Variants in FOXRED1 observed in about 807,000 individuals in gnomAD.
FOXRED1 encodes FAD dependent oxidoreductase domain containing 1, also known as FAD-dependent oxidoreductase domain-containing protein 1.
FOXRED1 carries 52 observed loss-of-function variants against 57.8 expected under a neutral mutation model. That is an observed-to-expected ratio of 0.90 (90% CI 0.72 to 1.13). FOXRED1 has a LOEUF of 1.13. Among genes scored for constraint, FOXRED1 ranks in the 50% most tolerant of loss-of-function variants. The pLI is 0.00. For missense variants in FOXRED1, 589 were observed against 625.2 expected (o/e 0.94, Z 0.62); for synonymous variants, 271 against 248.3 (o/e 1.09, Z -0.86).
Position 126,276,175 on chromosome 11 carries a change from T to A in FOXRED1, c.927T>A (p.Pro309=). 1.2e-6 allele frequency: 2 copies of A among 1,609,338 alleles called. No homozygotes were observed. The highest frequency in any genetic ancestry group is 1.7e-6 in the Non-Finnish European group (2 of 1,178,754). The change falls in exon 8 of 11, where the codon CCT becomes CCA. Residue 309 remains proline (P), a synonymous_variant. Transcript: ENST00000263578. ...TGGCTGGTGTTGGAGAGGGGCCGCC[T>A]GGCACCCTGCAGGGCACCAAGCTAC... ...AALAGVGEGP[P]GTLQGTKLPV...
chr11:126,272,016 C>T lies in FOXRED1; in HGVS notation c.306+359C>T, dbSNP rs1481340634. 3.1e-6 allele frequency: 1 copy of T among 320,770 alleles called. No homozygotes were observed. The highest frequency in any genetic ancestry group is 4.4e-5 in the Admixed American group (1 of 22,726). The allele number at this position is 320,770 out of a possible 1,614,324, so 19.9% of individuals were successfully genotyped here. The stretch of plus-strand genomic sequence containing the variant: ...TTGCTCTGTCACCCAGGCTGGAGTG[C>T]AATGGCACAATCTCAGCTCACTGCA... On this transcript the variant is annotated intron_variant, in intron 2 of 10. Coordinates refer to ENST00000263578, the MANE Select transcript of FOXRED1 (RefSeq NM_017547.4). The surrounding 1 kb of genome is among the most constrained non-coding windows in gnomAD (Gnocchi z 4.6).
Position 126,274,152 on chromosome 11 carries a change from G to C in FOXRED1, c.536+698G>C, listed in dbSNP as rs551242594. 3.2e-5 allele frequency: 5 copies of C among 158,084 alleles called. No individual in the cohort carries two copies. Among genetic ancestry groups the C allele is most frequent in the African/African-American group, 1.2e-4 (5 of 41,468 alleles). 9.8% of individuals were successfully genotyped at this position (158,084 alleles called of 1,614,324 possible). On this transcript the variant is annotated intron_variant, in intron 4 of 10. Coordinates refer to ENST00000263578, the MANE Select transcript of FOXRED1 (RefSeq NM_017547.4). This position sits in a 1 kb window ranked among gnomAD's most constrained non-coding sequence, Gnocchi z 4.8. ...ATATGAGGAAACTGAGGCATAAGGCGCTAGTAAGTGGTGGCGGTAGGATCT... is the reference window on the plus strand; with the variant it reads ...ATATGAGGAAACTGAGGCATAAGGCCCTAGTAAGTGGTGGCGGTAGGATCT...
Position 126,275,566 on chromosome 11 carries a change from C to A in FOXRED1, c.733+138C>A. On this transcript the variant is annotated intron_variant, in intron 6 of 10. Coordinates refer to ENST00000263578, the MANE Select transcript of FOXRED1 (RefSeq NM_017547.4). This position sits in a 1 kb window ranked among gnomAD's most constrained non-coding sequence, Gnocchi z 5.9. ...CAGGTCCTAGGCATCTTGACCTGGG[C>A]TCCTCACTGATCTGCGTTGTGACTT... 1.3e-6 allele frequency: 1 copy of A among 749,002 alleles called. No homozygotes were observed. Among genetic ancestry groups the A allele is most frequent in the African/African-American group, 1.7e-5 (1 of 58,034 alleles). 46.4% of individuals were successfully genotyped at this position (749,002 alleles called of 1,614,324 possible). A position where few individuals can be genotyped will look rare whatever the true frequency, so the allele number is the denominator to read the frequency against.
chr11:126,275,055 C>G lies in FOXRED1; in HGVS notation c.631+34C>G. ...TGCTTGCAGAGGGGACAGCTTTTTTCCTGAAGATGGAGACTAAGGGGTGCT... is the reference window on the plus strand; with the variant it reads ...TGCTTGCAGAGGGGACAGCTTTTTTGCTGAAGATGGAGACTAAGGGGTGCT... On this transcript the variant is annotated intron_variant, in intron 5 of 10. Coordinates refer to ENST00000263578, the MANE Select transcript of FOXRED1 (RefSeq NM_017547.4). This position sits in a 1 kb window ranked among gnomAD's most constrained non-coding sequence, Gnocchi z 5.9. 7.1e-7 allele frequency: 1 copy of G among 1,415,328 alleles called. No individual in the cohort carries two copies. Among genetic ancestry groups the G allele is most frequent in the Non-Finnish European group, 1.0e-6 (1 of 998,792 alleles). The allele number at this position is 1,415,328 out of a possible 1,614,324, so 87.7% of individuals were successfully genotyped here.
rs1047355240 is a variant in FOXRED1 at position 126,274,562 on chromosome 11, C to T, written c.537-365C>T. 6 of 313,934 alleles carry T rather than the reference C, an allele frequency of 1.9e-5. No individual in the cohort carries two copies. The highest frequency in any genetic ancestry group is 1.2e-3 in the Middle Eastern group (1 of 868). The allele number at this position is 313,934 out of a possible 1,614,324, so 19.4% of individuals were successfully genotyped here. The stretch of plus-strand genomic sequence containing the variant: ...ACTCCAGAGGCTGAAGCAGGAGAAT[C>T]GCTTGAACCCGGGAGGAGGAGGTTG... On this transcript the variant is annotated intron_variant, in intron 4 of 10. Transcript: ENST00000263578. The surrounding 1 kb of genome is among the most constrained non-coding windows in gnomAD (Gnocchi z 4.8).
Position 126,276,054 on chromosome 11 carries a change from T to G in FOXRED1, c.811-5T>G. ...TTCCCACTCCTCACCCTCTGGTGTC[T>G]GCAGGTGAAGATGGACCGCAGCCTG... On this transcript the variant is annotated splice_region_variant and splice_polypyrimidine_tract_variant and intron_variant, in intron 7 of 10. Coordinates refer to ENST00000263578, the MANE Select transcript of FOXRED1 (RefSeq NM_017547.4). 2 of 1,612,890 alleles carry G rather than the reference T, an allele frequency of 1.2e-6. No homozygotes were observed. The highest frequency in any genetic ancestry group is 2.2e-5 in the South Asian group (2 of 91,082).
chr11:126,269,438 G>T, intron 1 of FOXRED1, 147 bp downstream of exon 1: 1 of 1,491,780 alleles, frequency 6.7e-7, no homozygotes, highest in African/African-American at 1.4e-5. Context: ...ACCAGAGCTT[G>T]TAGGGGCTGT....
chr11:126,277,465 TACA>T lies in FOXRED1; in HGVS notation c.1241_1243del (p.Asn414del). On this transcript the variant is annotated inframe_deletion, in exon 11 of 11. Transcript: ENST00000263578. The surrounding 1 kb of genome is among the most constrained non-coding windows in gnomAD (Gnocchi z 6.8). ...GAGCGCCTGGGCCGGCTATTACGAC[TACA>T]ACACCTTTGACCAGAATGGCGTGGT... 1 of 1,613,342 alleles carries T rather than the reference TACA, an allele frequency of 6.2e-7. No homozygotes were observed. The highest frequency in any genetic ancestry group is 8.5e-7 in the Non-Finnish European group (1 of 1,179,982).
chr11:126,270,974 T>G, intron 1 of FOXRED1: 1 of 203,436 alleles, frequency 4.9e-6, no homozygotes, highest in Non-Finnish European at 1.0e-5. Flanking sequence ...CCGCAGAACT[T>G]GATTATGGAT....
Position 126,275,100 on chromosome 11 carries a change from A to C in FOXRED1, c.631+79A>C. ...GGTGCTACACGTTGGGAGTCTCGGT[A>C]CTCCACAGCCAAGCTGAAGGAGGAA... On this transcript the variant is annotated intron_variant, in intron 5 of 10. Coordinates refer to ENST00000263578, the MANE Select transcript of FOXRED1 (RefSeq NM_017547.4). The surrounding 1 kb of genome is among the most constrained non-coding windows in gnomAD (Gnocchi z 5.9). The C allele has an allele frequency of 3.0e-6, 3 of 987,192 alleles. No homozygotes were observed. The highest frequency in any genetic ancestry group is 4.9e-6 in the Non-Finnish European group (3 of 614,930). The allele number at this position is 987,192 out of a possible 1,614,324, so 61.2% of individuals were successfully genotyped here.
rs947603498 is a variant in FOXRED1, at chr11:126,275,878, T to A, written c.810+8T>A. The A allele has an allele frequency of 6.2e-7, 1 of 1,603,444 alleles. No homozygotes were observed. Among genetic ancestry groups the A allele is most frequent in the Non-Finnish European group, 8.5e-7 (1 of 1,170,368 alleles). On this transcript the variant is annotated splice_region_variant and intron_variant, in intron 7 of 10. Transcript: ENST00000263578. The surrounding 1 kb of genome is among the most constrained non-coding windows in gnomAD (Gnocchi z 5.9). ...AGGATCCATGAAGTCCATGTAAGTT[T>A]CTAGTCTGTGATGTCCTTTACCAAA...
At position 126,274,020 on chromosome 11, in the gene FOXRED1, T is replaced by C; in HGVS notation, c.536+566T>C. The C allele has an allele frequency of 6.0e-6, 1 of 167,458 alleles. No individual in the cohort carries two copies. Among genetic ancestry groups the C allele is most frequent in the South Asian group, 1.4e-4 (1 of 7,080 alleles). The allele number at this position is 167,458 out of a possible 1,614,324, so 10.4% of individuals were successfully genotyped here. ...GATGCAATATGGCCAGAGGCTTTATTTGTATGTTTATTTAACAAACACCCA... is the reference window on the plus strand; with the variant it reads ...GATGCAATATGGCCAGAGGCTTTATCTGTATGTTTATTTAACAAACACCCA... On this transcript the variant is annotated intron_variant, in intron 4 of 10. Transcript: ENST00000263578. The surrounding 1 kb of genome is among the most constrained non-coding windows in gnomAD (Gnocchi z 4.8).
At position 126,269,186 on chromosome 11, in the gene FOXRED1, G is replaced by C; in HGVS notation, c.-21G>C. The C allele has an allele frequency of 1.9e-6, 3 of 1,586,240 alleles. No individual in the cohort carries two copies. Among genetic ancestry groups the C allele is most frequent in the Non-Finnish European group, 2.6e-6 (3 of 1,155,456 alleles). On this transcript the variant is annotated 5_prime_UTR_variant, in exon 1 of 11. Coordinates refer to ENST00000263578, the MANE Select transcript of FOXRED1 (RefSeq NM_017547.4). ...GCGAGGCAGCAGTGCAGCTTTCAGA[G>C]GGTCCGGGCTCAGAGGGGTTATGAT...
Position 126,270,883 on chromosome 11 carries a change from G to A in FOXRED1, c.86-554G>A, listed in dbSNP as rs541979843. 8 of 174,146 alleles carry A rather than the reference G, an allele frequency of 4.6e-5. No homozygotes were observed. In the East Asian group the frequency reaches 1.2e-3, roughly 27 times the overall value. 10.8% of individuals were successfully genotyped at this position (174,146 alleles called of 1,614,324 possible). On this transcript the variant is annotated intron_variant, in intron 1 of 10. Transcript: ENST00000263578. ...GATGCTTTTGCATTTGTCCAGTTGA[G>A]AGATGATAGTGGCTTGGCCTAGGAT... is the stretch of plus-strand genomic sequence containing the variant.
chr11:126,269,230 C>T lies in FOXRED1; in HGVS notation c.24C>T (p.His8=), dbSNP rs774346995. The T allele has an allele frequency of 3.7e-6, 6 of 1,613,888 alleles. No individual in the cohort carries two copies. The highest frequency in any genetic ancestry group is 3.3e-5 in the Admixed American group (2 of 60,012). MIRRVLP[H]GMGRGLLTRR... ...TTATGATTCGGAGGGTTCTGCCGCA[C>T]GGCATGGGCCGGGGCCTCTTGACCC... is the stretch of plus-strand genomic sequence containing the variant. The change falls in exon 1 of 11, where the codon CAC becomes CAT. Residue 8 remains histidine (H), a synonymous_variant. Coordinates refer to ENST00000263578, the MANE Select transcript of FOXRED1 (RefSeq NM_017547.4).
chr11:126,277,240 G>A lies in FOXRED1; in HGVS notation c.1206+65G>A. On this transcript the variant is annotated intron_variant, in intron 10 of 10. Coordinates refer to ENST00000263578, the MANE Select transcript of FOXRED1 (RefSeq NM_017547.4). This position sits in a 1 kb window ranked among gnomAD's most constrained non-coding sequence, Gnocchi z 6.8. ...ATTGGATGGGACAGATGACAGTGGA[G>A]CACATTGGTCCCCTCGGACCCGTGA... 1.6e-6 allele frequency: 2 copies of A among 1,239,790 alleles called. No individual in the cohort carries two copies. The highest frequency in any genetic ancestry group is 2.4e-6 in the Non-Finnish European group (2 of 840,624). The allele number at this position is 1,239,790 out of a possible 1,614,324, so 76.8% of individuals were successfully genotyped here. A position where few individuals can be genotyped will look rare whatever the true frequency, so the allele number is the denominator to read the frequency against.
At chr11:126,269,580 G>A (rs901472127) in intron 1 of FOXRED1, among the ~76,000 whole-genome samples, 1 of 152,226 alleles carries the variant, frequency 6.6e-6, no homozygotes, top group Non-Finnish European at 1.5e-5. Flanking sequence ...TGTTCAGGAT[G>A]CTGTACTTAG....
rs1591548104 is a variant in FOXRED1, at chr11:126,272,494, C to A, written c.307-475C>A. 2 of 235,686 alleles carry A rather than the reference C, an allele frequency of 8.5e-6. No homozygotes were observed. The highest frequency in any genetic ancestry group is 2.2e-4 in the East Asian group (2 of 9,216). 14.6% of individuals were successfully genotyped at this position (235,686 alleles called of 1,614,324 possible). A position where few individuals can be genotyped will look rare whatever the true frequency, so the allele number is the denominator to read the frequency against. ...TTTTTGTAGAAATGGGGTTTTGCCA[C>A]GTTGCCCAGCTGGTCTCAGATTCCT... is the stretch of plus-strand genomic sequence containing the variant. On this transcript the variant is annotated intron_variant, in intron 2 of 10. Transcript: ENST00000263578. This position sits in a 1 kb window ranked among gnomAD's most constrained non-coding sequence, Gnocchi z 4.6.
At position 126,271,729 on chromosome 11, in the gene FOXRED1, A is replaced by T. The variant is rs1950991499; in HGVS notation, c.306+72A>T. On this transcript the variant is annotated intron_variant, in intron 2 of 10. Coordinates refer to ENST00000263578, the MANE Select transcript of FOXRED1 (RefSeq NM_017547.4). This position sits in a 1 kb window ranked among gnomAD's most constrained non-coding sequence, Gnocchi z 5.3. Reference sequence around the variant, plus strand: ...ACTCATTTTATTAAGGACTCTAGCGACAAGGGAAGGAGAGGAGGGGAAGAC... The same window carrying T: ...ACTCATTTTATTAAGGACTCTAGCGTCAAGGGAAGGAGAGGAGGGGAAGAC... 14 of 1,239,628 alleles carry T rather than the reference A, an allele frequency of 1.1e-5. No homozygotes were observed. Among genetic ancestry groups the T allele is most frequent in the Middle Eastern group, 2.6e-4 (1 of 3,838 alleles). The allele number at this position is 1,239,628 out of a possible 1,614,324, so 76.8% of individuals were successfully genotyped here.
Sources: gnomAD v4.1 joint callset for allele counts (sites outside exome capture counted in the v4.1 genomes callset) on GRCh38, gnomAD v4.1.1 for gene constraint, Gnocchi (gnomAD v3.1) non-coding constraint, MANE v1.5 for transcripts, NCBI Gene and HGNC (gene_info 2026-07-23, HGNC 2026-07-21) for gene names.